The following SNTG2 variants were observed in gnomAD, a reference collection of about 807,000 sequenced individuals.
SNTG2 encodes syntrophin gamma 2.
A neutral mutation model predicts 70.9 loss-of-function variants in SNTG2; 74 were observed. That is an observed-to-expected ratio of 1.04 (90% confidence interval 0.86 to 1.27). The LOEUF (loss-of-function observed/expected upper bound fraction) is 1.27. Among genes scored for constraint, SNTG2 ranks in the 50% most tolerant of loss-of-function variants. The probability of loss-of-function intolerance (pLI) is 0.00; values close to 1 mark genes in which losing one functional copy is unlikely to be tolerated. For synonymous variants in SNTG2, 278 were observed against 273.8 expected, an observed-to-expected ratio of 1.02 and a Z score of -0.15; for missense variants, 717 against 690.7, an observed-to-expected ratio of 1.04 and a Z score of -0.43.
At chr2:1,181,483 G>A (rs912584452) in intron 8 of SNTG2, among the ~76,000 whole-genome samples, 1 of 152,146 alleles carries the variant, frequency 6.6e-6, no homozygotes, top group Non-Finnish European at 1.5e-5. Context: ...AGCAAAGTTT[G>A]TCATGTTCAG....
chr2:1,294,385 G>C (rs914060022), intron 14 of SNTG2, among the ~76,000 whole-genome samples: 2 of 152,070 alleles, frequency 1.3e-5, no homozygotes, highest in African/African-American at 4.8e-5. Context: ...CTCTAAACAT[G>C]GTACATTTTA....
intron 4 of SNTG2, among the ~76,000 whole-genome samples, chr2:1,101,686 A>G (rs987868294): frequency 3.9e-5 from 6 of 152,220 alleles, no homozygotes; most frequent in Non-Finnish European, 8.8e-5. Flanking sequence ...GCGCTGCCAG[A>G]TAGGGCGGGA....
intron 1 of SNTG2, among the ~76,000 whole-genome samples, chr2:1,066,989 T>C (rs1663203559): frequency 6.6e-6 from 1 of 152,202 alleles, no homozygotes; most frequent in Non-Finnish European, 1.5e-5. Context: ...TAGCTGTTCC[T>C]GGGCCAAATG....
At chr2:1,099,425 G>C (rs190573272) in intron 4 of SNTG2, among the ~76,000 whole-genome samples, 94 of 152,330 alleles carry the variant, frequency 6.2e-4, no homozygotes, top group African/African-American at 2.0e-3. Flanking sequence ...TGGAGGTTCT[G>C]GGTGAAAAGC....
intron 1 of SNTG2, among the ~76,000 whole-genome samples, chr2:1,021,752 T>C (rs2148012531): frequency 6.6e-6 from 1 of 151,830 alleles, no homozygotes; most frequent in Middle Eastern, 3.4e-3. Context: ...GCTGGGACTA[T>C]AGGAATGCAC....
chr2:1,027,302 G>A (rs1660533421), intron 1 of SNTG2, among the ~76,000 whole-genome samples: 1 of 151,564 alleles, frequency 6.6e-6, no homozygotes, highest in Non-Finnish European at 1.5e-5. Context: ...TACCCAGCAA[G>A]TAACTCATGC....
chr2:1,290,817 C>T (rs1042351456), intron 14 of SNTG2, among the ~76,000 whole-genome samples: 2 of 152,128 alleles, frequency 1.3e-5, no homozygotes, highest in Non-Finnish European at 2.9e-5. Flanking sequence ...TACAAATCAT[C>T]TTGTAATGTC....
chr2:1,238,041 C>CT, intron 10 of SNTG2, 24 bp downstream of exon 10: 1 of 1,599,376 alleles, frequency 6.3e-7, no homozygotes, highest in Non-Finnish European at 8.5e-7. Context: ...GTTTCTGAGT[C>CT]TCTGCTGATG....
chr2:1,308,669 T>G (rs1055522724), intron 15 of SNTG2, 83 bp downstream of exon 15: 6 of 1,171,498 alleles, frequency 5.1e-6, no homozygotes, highest in Non-Finnish European at 7.5e-6. Context: ...CACGCATGTC[T>G]GGTAGAAGCC....
intron 9 of SNTG2, among the ~76,000 whole-genome samples, chr2:1,220,733 C>A (rs1232892771): frequency 6.6e-6 from 1 of 152,254 alleles, no homozygotes; most frequent in East Asian, 1.9e-4. Context: ...ATGTGTCCTA[C>A]TCTGATAAGG....
Position 1,247,513 on chromosome 2 carries a change from T to C in SNTG2, c.1005+70T>C, listed in dbSNP as rs140009947. 5.0e-4 allele frequency: 547 copies of C among 1,087,068 alleles called. 6 individuals are homozygous for C. In the African/African-American group the frequency reaches 6.9e-3, roughly 14 times the overall value. 67.3% of individuals were successfully genotyped at this position (1,087,068 alleles called of 1,614,324 possible). ...GCTATTCCTGTAGGAGGGGGAAAGC[T>C]ACATCTGGTGTTTGGAGGAGGACAG... On this transcript the variant is annotated intron_variant, in intron 12 of 16. Coordinates refer to ENST00000308624, the MANE Select transcript of SNTG2 (RefSeq NM_018968.4).
intron 1 of SNTG2, among the ~76,000 whole-genome samples, chr2:1,079,621 G>A (rs1261395421): frequency 6.6e-6 from 1 of 152,006 alleles, no homozygotes; most frequent in East Asian, 1.9e-4. Context: ...AAAATACTAT[G>A]TTTTATTTGT....
chr2:954,755 T>G (rs1660090597), intron 1 of SNTG2, among the ~76,000 whole-genome samples: 1 of 152,152 alleles, frequency 6.6e-6, no homozygotes, highest in South Asian at 2.1e-4. Context: ...CTCCAAAAGC[T>G]CACCCATTTC....
At chr2:1,287,795 G>A (rs1679827195) in intron 14 of SNTG2, among the ~76,000 whole-genome samples, 2 of 152,226 alleles carry the variant, frequency 1.3e-5, no homozygotes, top group African/African-American at 4.8e-5. Context: ...AAGGGCCCAA[G>A]CAGCATTTCC....
chr2:1,268,258 A>G (rs1221372473), intron 14 of SNTG2, among the ~76,000 whole-genome samples: 1 of 152,262 alleles, frequency 6.6e-6, no homozygotes, highest in Non-Finnish European at 1.5e-5. Context: ...ACCAAAGTCC[A>G]GGGCTCCCGC....
chr2:1,027,661 C>T (rs1286440967), intron 1 of SNTG2, among the ~76,000 whole-genome samples: 1 of 137,908 alleles, frequency 7.3e-6, no homozygotes, highest in African/African-American at 2.8e-5. Flanking sequence ...TAAGCAGGTG[C>T]ATCACTGAAG....
chr2:1,266,663 C>T (rs1048808991), intron 13 of SNTG2, among the ~76,000 whole-genome samples: 5 of 151,184 alleles, frequency 3.3e-5, no homozygotes, highest in Non-Finnish European at 4.4e-5. Context: ...GCAGGGGGCA[C>T]GCTTAGTTAG....
intron 1 of SNTG2, among the ~76,000 whole-genome samples, chr2:1,012,026 T>C (rs536562484): frequency 1.3e-5 from 2 of 152,338 alleles, no homozygotes; most frequent in East Asian, 3.9e-4. Context: ...TTTTCCCCAG[T>C]GAATACCAAA....
rs111669734 is a variant in SNTG2, at chr2:1,237,180, T to G, written c.720-708T>G. 5.6e-3 allele frequency among the ~76,000 whole-genome samples: 846 copies of G among 152,238 alleles called. 14 individuals carry two copies. Among genetic ancestry groups the G allele is most frequent in the African/African-American group, 0.018 (765 of 41,532 alleles). On this transcript the variant is annotated intron_variant, in intron 9 of 16. Transcript: ENST00000308624. Reference sequence around the variant, plus strand: ...CTGATTTCGAACTCCTGACCTCAAGTGATCCACCTACCTCAGTCTTCCAAC... The same window carrying G: ...CTGATTTCGAACTCCTGACCTCAAGGGATCCACCTACCTCAGTCTTCCAAC...
Sources: allele counts gnomAD v4.1 joint callset (sites outside exome capture counted in the v4.1 genomes callset), GRCh38; gene constraint gnomAD v4.1.1; transcripts MANE v1.5; gene names NCBI Gene and HGNC (gene_info 2026-07-23, HGNC 2026-07-21).